The following CDH13 variants were observed in gnomAD, a reference collection of about 807,000 sequenced individuals.
CDH13 encodes the protein cadherin 13.
A neutral mutation model predicts 63.8 loss-of-function variants in CDH13; 24 were observed. The ratio of observed to expected loss-of-function variants is 0.38; its 90% CI spans 0.27 to 0.53. CDH13 has a LOEUF of 0.53. Among genes scored for constraint, CDH13 ranks in the 20% least tolerant of loss-of-function variants. The pLI is 0.85. For missense variants in CDH13, 1,049 were observed against 903.1 expected, an observed-to-expected ratio of 1.16 and a Z score of -2.07; for synonymous variants, 503 against 355.3, an observed-to-expected ratio of 1.42 and a Z score of -4.67.
In CDH13 at chr16:82,793,539, T is replaced by C. The variant is rs2036422827; in HGVS notation, c.46-64823T>C. ...CAAAGACCGTTCTCCTGAATGGTTA[T>C]TCTCATTTCCATGTCAGTCTGCCGT... On this transcript the variant is annotated intron_variant, in intron 1 of 13. Transcript: ENST00000567109. 3.3e-5 allele frequency among the ~76,000 whole-genome samples: 5 copies of C among 152,354 alleles called. No homozygotes were observed. The South Asian group carries it at 1.0e-3, about 32-fold the overall frequency.
At chr16:83,554,741 T>G (rs2075570333) in intron 7 of CDH13, among the ~76,000 whole-genome samples, 1 of 152,092 alleles carries the variant, frequency 6.6e-6, no homozygotes, top group African/African-American at 2.4e-5. Flanking sequence ...CCTGTCCAAG[T>G]ACAGACTGAT....
chr16:82,800,876 AT>A (rs2036821203), intron 1 of CDH13, among the ~76,000 whole-genome samples: 1 of 152,138 alleles, frequency 6.6e-6, no homozygotes, highest in Admixed American at 6.5e-5. Context: ...AATTATTTTA[AT>A]TTAGCTTGTG....
intron 2 of CDH13, among the ~76,000 whole-genome samples, chr16:82,867,825 T>C (rs1204169058): frequency 1.3e-5 from 2 of 152,200 alleles, no homozygotes; most frequent in African/African-American, 4.8e-5. Flanking sequence ...TAGTAATAAA[T>C]GGATGAACTT....
rs191545817 is a variant in CDH13 at position 83,662,531 on chromosome 16, G to A, written c.1102-8259G>A. Among the ~76,000 whole-genome samples, 217 of 152,338 alleles carry A rather than the reference G, an allele frequency of 1.4e-3. 1 individual carries two copies. The highest frequency in any genetic ancestry group is 4.8e-3 in the African/African-American group (201 of 41,576). ...TCTGGGATTTGCTCCAAACAGTGCAGAATCGGGGCGGGGTGGCTGCGGAGA... is the reference window on the plus strand; with the variant it reads ...TCTGGGATTTGCTCCAAACAGTGCAAAATCGGGGCGGGGTGGCTGCGGAGA... On this transcript the variant is annotated intron_variant, in intron 8 of 13. Transcript: ENST00000567109.
chr16:83,503,434 T>C (rs2074329186), intron 7 of CDH13, among the ~76,000 whole-genome samples: 1 of 152,046 alleles, frequency 6.6e-6, no homozygotes, highest in Non-Finnish European at 1.5e-5. Context: ...TCAGGATGCC[T>C]CTGCCCAGGA....
intron 1 of CDH13, among the ~76,000 whole-genome samples, chr16:82,751,623 T>C (rs1448955636): frequency 6.6e-6 from 1 of 151,528 alleles, no homozygotes; most frequent in Admixed American, 6.6e-5. Flanking sequence ...CTTCATATAT[T>C]CCATGCCTGA....
intron 1 of CDH13, among the ~76,000 whole-genome samples, chr16:82,674,998 T>C (rs1455180216): frequency 6.6e-6 from 1 of 152,216 alleles, no homozygotes; most frequent in African/African-American, 2.4e-5. Context: ...CTTTGAAGCA[T>C]GGCATTTAGA....
At chr16:83,695,424 A>T (rs1249194412) in intron 10 of CDH13, among the ~76,000 whole-genome samples, 1 of 152,190 alleles carries the variant, frequency 6.6e-6, no homozygotes, top group Non-Finnish European at 1.5e-5. Flanking sequence ...CTGGATCAAG[A>T]GTAGAAATGA....
At chr16:83,616,326 A>G (rs1483957172) in intron 8 of CDH13, among the ~76,000 whole-genome samples, 1 of 152,178 alleles carries the variant, frequency 6.6e-6, no homozygotes, top group African/African-American at 2.4e-5. Flanking sequence ...CAGCCAGATG[A>G]TTTATTGCAT....
At chr16:83,591,273 C>T (rs927049495) in intron 7 of CDH13, among the ~76,000 whole-genome samples, 5 of 152,302 alleles carry the variant, frequency 3.3e-5, no homozygotes, top group Non-Finnish European at 5.9e-5. Flanking sequence ...ATGTACCAGG[C>T]ATAATGTTGC....
chr16:83,490,021 AC>A (rs2151568776), intron 7 of CDH13, among the ~76,000 whole-genome samples: 1 of 138,218 alleles, frequency 7.2e-6, no homozygotes, highest in African/African-American at 3.1e-5. Context: ...ACACACACAC[AC>A]ACACACACAC....
chr16:83,767,408 C>T (rs1017590072), intron 11 of CDH13, among the ~76,000 whole-genome samples: 52 of 152,170 alleles, frequency 3.4e-4, no homozygotes, highest in Admixed American at 2.5e-3. Context: ...TGCATGAGCT[C>T]CCTTGCTTGC....
chr16:82,670,339 G>C (rs1272144816), intron 1 of CDH13, among the ~76,000 whole-genome samples: 1 of 152,212 alleles, frequency 6.6e-6, no homozygotes, highest in Non-Finnish European at 1.5e-5. Flanking sequence ...ACAATTTAGA[G>C]CGATTTCTTT....
intron 5 of CDH13, among the ~76,000 whole-genome samples, chr16:83,287,062 G>C (rs2089335983): frequency 6.6e-6 from 1 of 152,098 alleles, no homozygotes; most frequent in Admixed American, 6.6e-5. Flanking sequence ...GCATGCTGAA[G>C]GTACCCATGT....
chr16:82,634,509 C>A (rs757741786), intron 1 of CDH13, among the ~76,000 whole-genome samples: 2 of 152,204 alleles, frequency 1.3e-5, no homozygotes, highest in South Asian at 2.1e-4. Context: ...GATCATCTCA[C>A]TCAGGGGTTG....
chr16:83,506,440 A>C (rs2074397423), intron 7 of CDH13, among the ~76,000 whole-genome samples: 1 of 152,232 alleles, frequency 6.6e-6, no homozygotes, highest in Non-Finnish European at 1.5e-5. Flanking sequence ...TCCTTGATCC[A>C]AACTACAGTC....
chr16:83,429,343 C>T (rs1021590349), intron 6 of CDH13, among the ~76,000 whole-genome samples: 1 of 152,130 alleles, frequency 6.6e-6, no homozygotes, highest in Non-Finnish European at 1.5e-5. Flanking sequence ...CTTATGCAAA[C>T]CTCTCCTTTA....
chr16:83,077,823 C>T (rs183919400), intron 3 of CDH13, among the ~76,000 whole-genome samples: 19 of 152,250 alleles, frequency 1.2e-4, no homozygotes, highest in Admixed American at 4.6e-4. Flanking sequence ...TTCCGGATAA[C>T]GCGTGAGAGC....
At chr16:83,295,348 C>A (rs1213880469) in intron 5 of CDH13, among the ~76,000 whole-genome samples, 7 of 151,988 alleles carry the variant, frequency 4.6e-5, no homozygotes, top group Non-Finnish European at 1.5e-5. Context: ...ACCTCAAAAG[C>A]ACAGGCAACA....
Sources: gnomAD v4.1 joint callset for allele counts (sites outside exome capture counted in the v4.1 genomes callset) on GRCh38, gnomAD v4.1.1 for gene constraint, MANE v1.5 for transcripts, NCBI Gene and HGNC (gene_info 2026-07-23, HGNC 2026-07-21) for gene names.